SYTL2: variants seen among roughly 807,000 people sequenced by gnomAD.
SYTL2 encodes synaptotagmin-like protein 2.
Under a neutral mutation model 198.7 loss-of-function variants are expected in SYTL2, and 165 were observed. The observed-to-expected ratio is 0.83, with a 90% confidence interval of 0.73 to 0.94. The LOEUF is 0.94. SYTL2 is among the 40% of genes least tolerant of loss of function. The probability of loss-of-function intolerance (pLI) is 0.00; values close to 1 mark genes in which losing one functional copy is unlikely to be tolerated. For synonymous variants in SYTL2, 966 were observed against 917.7 expected (o/e 1.05, Z -0.95); for missense variants, 2,835 against 2,582.8 (o/e 1.10, Z -2.12).
intron 14 of SYTL2, 97 bp downstream of exon 14, chr11:85,709,234 A>G: frequency 1.7e-6 from 2 of 1,192,836 alleles, no homozygotes; most frequent in Admixed American, 3.8e-5. Context: ...CTTAACACAT[A>G]CCCTCCCTCC....
intron 1 of SYTL2, among the ~76,000 whole-genome samples, chr11:85,804,145 A>T (rs1295250716): frequency 1.3e-5 from 2 of 152,074 alleles, no homozygotes; most frequent in Non-Finnish European, 2.9e-5. Flanking sequence ...GTCTGGTGTC[A>T]CCCCCTAATA....
At position 85,757,850 on chromosome 11, in the gene SYTL2, T is replaced by C; in HGVS notation, c.-125A>G. ...ATGAAATATCTTGTTCAGTTCTGCA[T>C]CAAAGTCTTATTTTGGCTCAGCAAA... On this transcript the variant is annotated 5_prime_UTR_variant, in exon 2 of 20. The change abolishes an upstream ATG in the 5' untranslated region. Transcript: ENST00000359152. 1 of 1,426,218 alleles carries C rather than the reference T, an allele frequency of 7.0e-7. No individual in the cohort carries two copies. The highest frequency in any genetic ancestry group is 9.5e-7 in the Non-Finnish European group (1 of 1,055,368). 88.3% of individuals were successfully genotyped at this position (1,426,218 alleles called of 1,614,324 possible).
intron 1 of SYTL2, among the ~76,000 whole-genome samples, chr11:85,791,619 T>G (rs554432807): frequency 6.6e-6 from 1 of 152,296 alleles, no homozygotes; most frequent in Admixed American, 6.5e-5. Context: ...TGTTCCCTTT[T>G]GTACTACTAT....
chr11:85,696,256 T>C lies in SYTL2; in HGVS notation c.6501A>G (p.Val2167=), dbSNP rs954210005. ...TGTAATGGTCCCAGACAGTAAGCTC[T>C]ACACAGGCTTCCATCAGATCTTCAG... ...FRPEDLMEAC[V]ELTVWDHYKL... The change falls in exon 19 of 20, where the codon GTA becomes GTG. Residue 2167 remains valine, a synonymous_variant. Coordinates refer to ENST00000359152, the MANE Select transcript of SYTL2 (RefSeq NM_206927.4). The C allele has an allele frequency of 1.9e-6, 3 of 1,614,150 alleles. No individual in the cohort carries two copies. The highest frequency in any genetic ancestry group is 2.5e-6 in the Non-Finnish European group (3 of 1,180,002).
chr11:85,839,444 G>A, the SYTL2 span, among the ~76,000 whole-genome samples: 1 of 152,208 alleles, frequency 6.6e-6, no homozygotes, highest in Non-Finnish European at 1.5e-5. Context: ...AGGATGGGAA[G>A]GGTATGGGGG....
At position 85,696,262 on chromosome 11, in the gene SYTL2, G is replaced by C; in HGVS notation, c.6495C>G (p.Ala2165=). Residue 2165 remains alanine (A), a synonymous_variant, in exon 19 of 20, where the codon GCC becomes GCG. Transcript: ENST00000359152. ...GGTCCCAGACAGTAAGCTCTACACA[G>C]GCTTCCATCAGATCTTCAGGCCTGA... ...DGFRPEDLME[A]CVELTVWDHY... 1 of 1,614,112 alleles carries C rather than the reference G, an allele frequency of 6.2e-7. No individual in the cohort carries two copies. The highest frequency in any genetic ancestry group is 8.5e-7 in the Non-Finnish European group (1 of 1,179,996).
chr11:85,763,252 C>A (rs2092147956), intron 1 of SYTL2, among the ~76,000 whole-genome samples: 1 of 152,188 alleles, frequency 6.6e-6, no homozygotes, highest in African/African-American at 2.4e-5. Context: ...GAAATAGCAG[C>A]ACAAAGGGAA....
chr11:85,814,983 A>G (rs953511353), upstream of SYTL2, among the ~76,000 whole-genome samples: 1 of 152,160 alleles, frequency 6.6e-6, no homozygotes, highest in African/African-American at 2.4e-5. Flanking sequence ...GTTACTTGTC[A>G]CAGGATCTGC....
chr11:85,710,977 A>C (rs1445483908), intron 13 of SYTL2, 136 bp downstream of exon 13: 1 of 888,448 alleles, frequency 1.1e-6, no homozygotes. Context: ...AGCTAGCCAG[A>C]AGCTAATTAT....
At chr11:85,831,124 G>A in the SYTL2 span, among the ~76,000 whole-genome samples, 1 of 152,196 alleles carries the variant, frequency 6.6e-6, no homozygotes, top group African/African-American at 2.4e-5. Context: ...AACAATAGCA[G>A]AAATACAGAC....
chr11:85,734,459 A>G lies in SYTL2; in HGVS notation c.870T>C (p.Tyr290=), dbSNP rs370392890. 10 of 1,614,114 alleles carry G rather than the reference A, an allele frequency of 6.2e-6. No individual in the cohort carries two copies. In the East Asian group the frequency reaches 1.3e-4, roughly 22 times the overall value. The part of the protein sequence containing the change: ...SSSTDSETLR[Y]NHNFEPKSKI... ...TGCTTTTGGGTTCAAAGTTGTGATT[A>G]TAACGAAGGGTTTCTGAGTCTGTGC... The change falls in exon 7 of 20, where the codon TAT becomes TAC. Residue 290 remains tyrosine, a synonymous_variant. Coordinates refer to ENST00000359152, the MANE Select transcript of SYTL2 (RefSeq NM_206927.4).
intron 1 of SYTL2, among the ~76,000 whole-genome samples, chr11:85,770,349 G>A (rs931371553): frequency 3.3e-5 from 5 of 152,042 alleles, no homozygotes; most frequent in African/African-American, 1.2e-4. Context: ...TCATGTAGGC[G>A]GATGTAATTT....
At chr11:85,743,165 T>C (rs181610914) in intron 4 of SYTL2, among the ~76,000 whole-genome samples, 2 of 152,340 alleles carry the variant, frequency 1.3e-5, no homozygotes, top group Non-Finnish European at 2.9e-5. Context: ...TGACAGGTAT[T>C]GAGTCATTCT....
At chr11:85,833,090 AGAAAGAAAGAAGGAAGGAAGGAAGGAAG>A in the SYTL2 span, among the ~76,000 whole-genome samples, 1 of 39,444 alleles carries the variant, frequency 2.5e-5, no homozygotes, top group Non-Finnish European at 5.8e-5. Context: ...AAAGAAAGAA[AGAAAGAAAGAAGGAAGGAAGGAAGGAAG>A]GAAGGAAGGA....
At chr11:85,824,774 C>T in the SYTL2 span, among the ~76,000 whole-genome samples, 2 of 152,124 alleles carry the variant, frequency 1.3e-5, no homozygotes, top group Non-Finnish European at 1.5e-5. Flanking sequence ...AAAGAAAGTG[C>T]GGGCACTAGG....
Position 85,705,002 on chromosome 11 carries a change from C to T in SYTL2, c.6045G>A (p.Lys2015=), listed in dbSNP as rs1257362377. The T allele has an allele frequency of 6.2e-7, 1 of 1,611,810 alleles. No homozygotes were observed. Among genetic ancestry groups the T allele is most frequent in the East Asian group, 2.2e-5 (1 of 44,854 alleles). ...AAATGGACAGGTTCAATTTCTGTGTCTTTAAGATTTGTTTTTCAATTTTAT... is the reference window on the plus strand; with the variant it reads ...AAATGGACAGGTTCAATTTCTGTGTTTTTAAGATTTGTTTTTCAATTTTAT... ...LRYKIEKQIL[K]TQKLNLSIWH... is the part of the protein sequence containing the mutation. The change falls in exon 16 of 20, where the codon AAG becomes AAA. Residue 2015 remains lysine (K), a synonymous_variant. Transcript: ENST00000359152.
chr11:85,765,551 G>C (rs1210312920), intron 1 of SYTL2, among the ~76,000 whole-genome samples: 1 of 152,142 alleles, frequency 6.6e-6, no homozygotes, highest in East Asian at 1.9e-4. Flanking sequence ...ATTTTTTATA[G>C]AGCCAACTGA....
chr11:85,761,302 G>C (rs1279377746), intron 1 of SYTL2, among the ~76,000 whole-genome samples: 1 of 152,182 alleles, frequency 6.6e-6, no homozygotes, highest in Admixed American at 6.5e-5. Flanking sequence ...AGAGTGGTTA[G>C]GGTAGGCCTC....
intron 10 of SYTL2, 36 bp downstream of exon 10, chr11:85,718,754 A>G: frequency 1.9e-6 from 3 of 1,603,102 alleles, no homozygotes; most frequent in Non-Finnish European, 2.6e-6. Context: ...AGAAGTTAAT[A>G]CAAAGACAGA....
Sources: allele counts gnomAD v4.1 joint callset (sites outside exome capture counted in the v4.1 genomes callset), GRCh38; gene constraint gnomAD v4.1.1; transcripts MANE v1.5; gene names NCBI Gene and HGNC (gene_info 2026-07-23, HGNC 2026-07-21).